The following C10orf67 variants were observed in gnomAD, a reference collection of about 807,000 sequenced individuals.
The protein encoded by C10orf67 is uncharacterized protein C10orf67, mitochondrial.
C10orf67 carries 60 observed loss-of-function variants against 35.6 expected under a neutral mutation model. The observed-to-expected ratio is 1.68, with a 90% CI of 1.37 to 2.09. The LOEUF is 2.09. Ranked by LOEUF, C10orf67 falls within the 30% of genes most tolerant of loss-of-function variation. The pLI is 0.00. For missense variants in C10orf67, 474 were observed against 330.2 expected (o/e 1.44, Z -3.38); for synonymous variants, 167 against 115.8 (o/e 1.44, Z -2.84).
chr10:23,266,672 C>A (rs1300529321), intron 9 of C10orf67, among the ~76,000 whole-genome samples: 2 of 152,016 alleles, frequency 1.3e-5, no homozygotes, highest in Non-Finnish European at 2.9e-5. Context: ...ACCAACAGAT[C>A]CATGCTCTTT....
At chr10:23,342,219 C>T (rs1330963320) in intron 1 of C10orf67, among the ~76,000 whole-genome samples, 1 of 29,622 alleles carries the variant, frequency 3.4e-5, no homozygotes, top group South Asian at 1.3e-3. Context: ...CCCCACTTGC[C>T]ACACACACAC....
At chr10:23,267,311 A>G (rs372994838) in intron 8 of C10orf67, 57 bp from the exon 9 acceptor site, 27 of 656,704 alleles carry the variant, frequency 4.1e-5, no homozygotes, top group African/African-American at 7.3e-5. Flanking sequence ...AAAAAAGACA[A>G]TTTTCTATAA....
At chr10:23,273,843 C>T (rs1843100412) in intron 8 of C10orf67, among the ~76,000 whole-genome samples, 1 of 152,214 alleles carries the variant, frequency 6.6e-6, no homozygotes, top group African/African-American at 2.4e-5. Context: ...TGTTGGAAAA[C>T]TTGAACTTCT....
chr10:23,255,318 C>G (rs1249641620), intron 10 of C10orf67, among the ~76,000 whole-genome samples: 8 of 152,232 alleles, frequency 5.3e-5, no homozygotes, highest in Non-Finnish European at 1.2e-4. Context: ...GTAGGCAAAT[C>G]TTTCAAAAAC....
chr10:23,269,286 T>C (rs550807789), intron 8 of C10orf67, among the ~76,000 whole-genome samples: 1 of 152,244 alleles, frequency 6.6e-6, no homozygotes, highest in Admixed American at 6.5e-5. Context: ...AATAAACATA[T>C]ATGTTTGCAA....
chr10:23,254,617 G>A (rs1411808272), intron 10 of C10orf67, among the ~76,000 whole-genome samples: 11 of 151,932 alleles, frequency 7.2e-5, no homozygotes, highest in South Asian at 4.2e-4. Context: ...CATTTATAAC[G>A]GAAGTTATGA....
intron 1 of C10orf67, among the ~76,000 whole-genome samples, chr10:23,336,531 T>C (rs1845687862): frequency 6.6e-6 from 1 of 152,218 alleles, no homozygotes; most frequent in Admixed American, 6.5e-5. Flanking sequence ...AGTATATTTT[T>C]TGAGACAGAG....
intron 8 of C10orf67, among the ~76,000 whole-genome samples, chr10:23,270,731 T>TC (rs1162032482): frequency 2.6e-5 from 4 of 152,212 alleles, no homozygotes; most frequent in African/African-American, 7.2e-5. Flanking sequence ...TTTGGTTGAC[T>TC]CAGCTGTTCT....
In C10orf67 at chr10:23,230,778, G is replaced by A. The variant is rs151317800; in HGVS notation, c.1435-6960C>T. On this transcript the variant is annotated intron_variant, in intron 13 of 15. Transcript: ENST00000636213. Reference sequence around the variant, plus strand: ...ATACACGTAAACTCCAAAACCATGAGTAAGCATTATACAATAACAGGTTGG... The same window carrying A: ...ATACACGTAAACTCCAAAACCATGAATAAGCATTATACAATAACAGGTTGG... Among the ~76,000 whole-genome samples the A allele has an allele frequency of 8.8e-4, 134 of 152,230 alleles. 1 individual carries two copies. Among genetic ancestry groups the A allele is most frequent in the African/African-American group, 3.1e-3 (127 of 41,532 alleles).
intron 13 of C10orf67, among the ~76,000 whole-genome samples, chr10:23,227,540 C>T (rs1023082908): frequency 6.6e-6 from 1 of 152,132 alleles, no homozygotes; most frequent in Non-Finnish European, 1.5e-5. Context: ...GACAGGAATG[C>T]CTTCTCTCAC....
intron 2 of C10orf67, among the ~76,000 whole-genome samples, chr10:23,329,473 T>C (rs1178258449): frequency 2.0e-5 from 3 of 152,018 alleles, no homozygotes. Context: ...ATTGAAGAAA[T>C]AGATATTCCC....
At chr10:23,270,991 A>C (rs1383141532) in intron 8 of C10orf67, among the ~76,000 whole-genome samples, 1 of 152,234 alleles carries the variant, frequency 6.6e-6, no homozygotes, top group Non-Finnish European at 1.5e-5. Context: ...TTGGATAAAG[A>C]GTCAAGACCC....
At chr10:23,225,977 C>T (rs1268393971) in intron 13 of C10orf67, among the ~76,000 whole-genome samples, 1 of 152,080 alleles carries the variant, frequency 6.6e-6, no homozygotes, top group Non-Finnish European at 1.5e-5. Context: ...TAGACTCACA[C>T]ACAATAATAA....
chr10:23,330,981 AACTGGTAAGG>A (rs201458458), intron 2 of C10orf67, among the ~76,000 whole-genome samples: 3 of 145,798 alleles, frequency 2.1e-5, no homozygotes, highest in African/African-American at 2.5e-5. Context: ...AGGGGAGGGA[AACTGGTAAGG>A]GAGGGAAGGG....
rs11013333 is a variant in C10orf67, at chr10:23,222,004, C to T, written c.1570+1594G>A. 9.2e-5 allele frequency among the ~76,000 whole-genome samples: 14 copies of T among 152,258 alleles called. No individual in the cohort carries two copies. The East Asian group carries it at 1.9e-3, about 21-fold the overall frequency. On this transcript the variant is annotated intron_variant, in intron 15 of 15. Transcript: ENST00000636213. ...GTGAGCATTTTATCTTATGCCTCCT[C>T]TACAGTGCTGATTAATATTCAGAAT... is the stretch of plus-strand genomic sequence containing the variant.
intron 8 of C10orf67, among the ~76,000 whole-genome samples, chr10:23,270,974 T>C (rs1023703952): frequency 1.3e-5 from 2 of 152,122 alleles, no homozygotes; most frequent in Admixed American, 6.5e-5. Flanking sequence ...AGACATAAAA[T>C]GGCAAGTTGG....
intron 2 of C10orf67, among the ~76,000 whole-genome samples, chr10:23,327,072 T>G (rs796886938): frequency 1.4e-4 from 21 of 152,234 alleles, no homozygotes; most frequent in African/African-American, 4.6e-4. Flanking sequence ...TCTAGTCAAC[T>G]GTTGAATGTT....
chr10:23,246,216 G>C (rs568541762), intron 12 of C10orf67, among the ~76,000 whole-genome samples: 9 of 152,208 alleles, frequency 5.9e-5, no homozygotes, highest in African/African-American at 2.2e-4. Context: ...GAGGTTTGGA[G>C]GAGAGTGAGG....
chr10:23,250,743 T>C (rs1842426309), intron 10 of C10orf67, 52 bp from the exon 11 acceptor site: 1 of 397,904 alleles, frequency 2.5e-6, no homozygotes, highest in South Asian at 1.3e-4. Flanking sequence ...ATATATCTTG[T>C]TTCTCCATAA....
Sources: gnomAD v4.1 joint callset for allele counts (sites outside exome capture counted in the v4.1 genomes callset) on GRCh38, gnomAD v4.1.1 for gene constraint, MANE v1.5 for transcripts, NCBI Gene and HGNC (gene_info 2026-07-23, HGNC 2026-07-21) for gene names.